The following RAP1GAP2 variants were observed in gnomAD, a reference collection of about 807,000 sequenced individuals.
RAP1GAP2 encodes the protein RAP1 GTPase activating protein 2.
Under a neutral mutation model 95.0 loss-of-function variants are expected in RAP1GAP2, and 27 were observed. The observed-to-expected ratio is 0.28, with a 90% CI of 0.21 to 0.39. The LOEUF (loss-of-function observed/expected upper bound fraction) is 0.39, where lower values mean the gene tolerates loss of function less well. Among genes scored for constraint, RAP1GAP2 ranks in the 10% least tolerant of loss-of-function variants. The probability of loss-of-function intolerance (pLI) is 1.00; values close to 1 mark genes in which losing one functional copy is unlikely to be tolerated. For synonymous variants in RAP1GAP2, 373 were observed against 380.9 expected (o/e 0.98, Z 0.24); for missense variants, 771 against 970.0 (o/e 0.79, Z 2.72).
rs1279491542 is a variant in RAP1GAP2, at chr17:3,033,273, T to C, written c.*31-119T>C. Reference sequence around the variant, plus strand: ...AGGTGCCCTCCTGCTCCTGAGTGTATCCAGTGAGCTGTAGCCATGGGCAGG... The same window carrying C: ...AGGTGCCCTCCTGCTCCTGAGTGTACCCAGTGAGCTGTAGCCATGGGCAGG... On this transcript the variant is annotated intron_variant, in intron 24 of 24. Coordinates refer to ENST00000254695, the MANE Select transcript of RAP1GAP2 (RefSeq NM_015085.5). The surrounding 1 kb of genome is among the most constrained non-coding windows in gnomAD (Gnocchi z 4.9). 6.6e-6 allele frequency: 1 copy of C among 152,290 alleles called. No homozygotes were observed. Among genetic ancestry groups the C allele is most frequent in the Non-Finnish European group, 1.5e-5 (1 of 68,038 alleles). The allele number at this position is 152,290 out of a possible 1,614,324, so 9.4% of individuals were successfully genotyped here. A position where few individuals can be genotyped will look rare whatever the true frequency, so the allele number is the denominator to read the frequency against.
In RAP1GAP2 at chr17:2,866,245, C is replaced by G. The variant is rs976737596; in HGVS notation, c.81-39039C>G. On this transcript the variant is annotated intron_variant, in intron 2 of 24. Transcript: ENST00000254695. This position sits in a 1 kb window ranked among gnomAD's most constrained non-coding sequence, Gnocchi z 4.0. ...CAAGATAAAAAAACAGGGGCCCGCT[C>G]AGATCCCACCTTGGCTGTGGTGTGG... is the stretch of plus-strand genomic sequence containing the variant. 1.3e-5 allele frequency among the ~76,000 whole-genome samples: 2 copies of G among 152,230 alleles called. No individual in the cohort carries two copies. Among genetic ancestry groups the G allele is most frequent in the Admixed American group, 6.5e-5 (1 of 15,282 alleles).
chr17:3,002,022 G>T (rs2046178360), intron 14 of RAP1GAP2, among the ~76,000 whole-genome samples: 1 of 151,192 alleles, frequency 6.6e-6, no homozygotes, highest in Admixed American at 6.6e-5. Flanking sequence ...GAGTGCAGTG[G>T]TGTGATCTTG....
intron 2 of RAP1GAP2, among the ~76,000 whole-genome samples, chr17:2,876,024 G>GCC (rs958543472): frequency 2.0e-5 from 3 of 150,684 alleles, no homozygotes; most frequent in Non-Finnish European, 4.4e-5. Context: ...CACAATCTCC[G>GCC]CCCCCCGGGT....
At chr17:2,841,265 A>C (rs1043097239) in intron 2 of RAP1GAP2, among the ~76,000 whole-genome samples, 1 of 151,948 alleles carries the variant, frequency 6.6e-6, no homozygotes, top group African/African-American at 2.4e-5. Context: ...TTAAAGAAAA[A>C]TATTAAGTAG....
chr17:2,911,795 C>T (rs1413974109), intron 3 of RAP1GAP2, among the ~76,000 whole-genome samples: 5 of 152,076 alleles, frequency 3.3e-5, no homozygotes, highest in South Asian at 4.1e-4. Context: ...TCCCAGGCCC[C>T]GTGAAGTAAA....
chr17:2,917,793 G>A (rs778538660), intron 3 of RAP1GAP2, among the ~76,000 whole-genome samples: 2 of 151,898 alleles, frequency 1.3e-5, no homozygotes, highest in East Asian at 1.9e-4. Flanking sequence ...TTGGCTCACC[G>A]CAACCTCCGC....
chr17:2,779,798 T>TGG lies in RAP1GAP2; in HGVS notation c.-14+2528_-14+2529dup, dbSNP rs35665851. Among the ~76,000 whole-genome samples, 70 of 92,220 alleles carry TGG rather than the reference T, an allele frequency of 7.6e-4. No individual in the cohort carries two copies. The South Asian group carries it at 0.013, about 18-fold the overall frequency. The allele number at this position is 92,220 out of a possible 152,430, so 60.5% of individuals were successfully genotyped here. ...AGTGGGGGAGGACAAGGCAGGGGGC[T>TGG]GGGGGGGGGCAGGAAAGGAAGGTGA... is the stretch of plus-strand genomic sequence containing the variant. On this transcript the variant is annotated intron_variant, in intron 1 of 24. Coordinates refer to the RAP1GAP2 transcript ENST00000540393.
chr17:2,957,995 G>A (rs2044183452), intron 4 of RAP1GAP2, among the ~76,000 whole-genome samples: 1 of 152,168 alleles, frequency 6.6e-6, no homozygotes, highest in Non-Finnish European at 1.5e-5. Flanking sequence ...GACTCCTGCG[G>A]AGGGACAGGG....
At chr17:2,877,384 G>A (rs776383382) in intron 2 of RAP1GAP2, among the ~76,000 whole-genome samples, 57 of 152,264 alleles carry the variant, frequency 3.7e-4, no homozygotes, top group Non-Finnish European at 5.4e-4. Context: ...CTTACAGTCC[G>A]TCCTCCGTAA....
chr17:3,021,078 A>G (rs1230924563), intron 19 of RAP1GAP2, among the ~76,000 whole-genome samples: 1 of 152,216 alleles, frequency 6.6e-6, no homozygotes, highest in Non-Finnish European at 1.5e-5. Flanking sequence ...GTACTTGTGC[A>G]TATTTTTGGG....
At chr17:2,869,772 A>G (rs2072769494) in intron 2 of RAP1GAP2, among the ~76,000 whole-genome samples, 1 of 152,194 alleles carries the variant, frequency 6.6e-6, no homozygotes. Flanking sequence ...CTCCCTTCTC[A>G]TCCTGACATT....
chr17:2,889,881 ATATATATATT>A (rs1567746656), intron 2 of RAP1GAP2, among the ~76,000 whole-genome samples: 2 of 75,346 alleles, frequency 2.7e-5, no homozygotes, highest in Non-Finnish European at 4.9e-5. Flanking sequence ...ATATATATAT[ATATATATATT>A]TTTTTTTTTT....
At chr17:2,781,802 G>C (rs1324083084) in intron 1 of RAP1GAP2, among the ~76,000 whole-genome samples, 2 of 147,580 alleles carry the variant, frequency 1.4e-5, no homozygotes, top group East Asian at 2.0e-4. Context: ...GTGCACGTCT[G>C]TGTGTGCACG....
intron 17 of RAP1GAP2, among the ~76,000 whole-genome samples, chr17:3,012,628 AAAAC>A (rs1301046895): frequency 2.3e-4 from 33 of 146,566 alleles, no homozygotes; most frequent in African/African-American, 7.2e-4. Flanking sequence ...AAAAAAAAAA[AAAAC>A]AAACCTAAAG....
chr17:2,832,306 C>T (rs1057099814), intron 2 of RAP1GAP2, among the ~76,000 whole-genome samples: 1 of 151,578 alleles, frequency 6.6e-6, no homozygotes, highest in Non-Finnish European at 1.5e-5. Context: ...TGCCTGTAAT[C>T]CCAGCACTTT....
At chr17:2,907,481 G>GAAAAAT (rs1471936467) in intron 3 of RAP1GAP2, among the ~76,000 whole-genome samples, 1 of 152,126 alleles carries the variant, frequency 6.6e-6, no homozygotes, top group Non-Finnish European at 1.5e-5. Flanking sequence ...ATAATGTCAG[G>GAAAAAT]AATGAGGGCT....
At chr17:2,935,652 G>A (rs946914864) in intron 3 of RAP1GAP2, among the ~76,000 whole-genome samples, 2 of 152,138 alleles carry the variant, frequency 1.3e-5, no homozygotes, top group Non-Finnish European at 2.9e-5. Flanking sequence ...GCAGACATTT[G>A]TCGTTCGATC....
intron 2 of RAP1GAP2, among the ~76,000 whole-genome samples, chr17:2,814,662 C>G (rs1411582914): frequency 6.6e-6 from 1 of 152,110 alleles, no homozygotes; most frequent in Non-Finnish European, 1.5e-5. Context: ...GTTTGTTACC[C>G]AGGTGAGGTG....
intron 17 of RAP1GAP2, among the ~76,000 whole-genome samples, chr17:3,009,113 G>T (rs1302502650): frequency 6.6e-6 from 1 of 152,154 alleles, no homozygotes; most frequent in African/African-American, 2.4e-5. Flanking sequence ...CCGCAGCTCT[G>T]TGGGATCCTG....
Sources: allele counts gnomAD v4.1 joint callset (sites outside exome capture counted in the v4.1 genomes callset), GRCh38; gene constraint gnomAD v4.1.1; non-coding constraint Gnocchi (gnomAD v3.1); transcripts MANE v1.5; gene names NCBI Gene and HGNC (gene_info 2026-07-23, HGNC 2026-07-21).